The following RIMBP2 variants were observed in gnomAD, a reference collection of about 807,000 sequenced individuals.
RIMBP2 encodes RIMS binding protein 2, also known as RIMS-binding protein 2.
A neutral mutation model predicts 118.6 loss-of-function variants in RIMBP2; 48 were observed. The observed-to-expected ratio is 0.40, with a 90% CI of 0.32 to 0.51. The LOEUF is 0.51. RIMBP2 is among the 20% of genes least tolerant of loss of function. The pLI, the probability that RIMBP2 is intolerant of heterozygous loss-of-function variation, is 0.41. For missense variants in RIMBP2, 1,551 were observed against 1,768.3 expected, an observed-to-expected ratio of 0.88 and a Z score of 2.20; for synonymous variants, 762 against 742.9, an observed-to-expected ratio of 1.03 and a Z score of -0.42.
intron 1 of RIMBP2, among the ~76,000 whole-genome samples, chr12:130,645,094 T>C (rs1288553376): frequency 7.2e-5 from 7 of 97,500 alleles, no homozygotes; most frequent in African/African-American, 1.6e-4. Context: ...AAATCAGAAC[T>C]TTTTTTTTTT....
At chr12:130,425,756 G>A (rs1392131099) in intron 15 of RIMBP2, 2 of 152,418 alleles carry the variant, frequency 1.3e-5, no homozygotes, top group East Asian at 3.8e-4. Flanking sequence ...TGACCGCCCA[G>A]GCAAAGCGTG....
intron 6 of RIMBP2, among the ~76,000 whole-genome samples, chr12:130,459,603 C>T (rs1040917133): frequency 1.1e-4 from 16 of 152,146 alleles, no homozygotes; most frequent in African/African-American, 2.7e-4. Flanking sequence ...GGGCTAAGGG[C>T]GGCTGAGGTC....
chr12:130,659,348 G>C (rs2063557056), intron 1 of RIMBP2, among the ~76,000 whole-genome samples: 1 of 152,038 alleles, frequency 6.6e-6, no homozygotes, highest in Non-Finnish European at 1.5e-5. Context: ...AAGGCAGGTG[G>C]ATCACGAGGT....
At position 130,677,712 on chromosome 12, in the gene RIMBP2, C is replaced by G. The variant is rs144590087; in HGVS notation, c.-352+38510G>C. 2.0e-5 allele frequency among the ~76,000 whole-genome samples: 3 copies of G among 152,132 alleles called. No individual in the cohort carries two copies. The East Asian group carries it at 5.9e-4, about 30-fold the overall frequency. ...AAAACCAGTCTGGGGTGGGGTCAAG[C>G]CTTTGTCAACTGTCCATCAGGGCCC... On this transcript the variant is annotated intron_variant, in intron 1 of 22. Transcript: ENST00000690449.
intron 2 of RIMBP2, among the ~76,000 whole-genome samples, chr12:130,582,002 GCTC>G (rs995697178): frequency 6.6e-5 from 10 of 152,126 alleles, no homozygotes; most frequent in African/African-American, 2.4e-4. Context: ...TGCACCTGCT[GCTC>G]CCTCTGCCTG....
At chr12:130,459,675 G>A (rs1162933098) in intron 6 of RIMBP2, among the ~76,000 whole-genome samples, 3 of 152,252 alleles carry the variant, frequency 2.0e-5, no homozygotes, top group Middle Eastern at 3.4e-3. Flanking sequence ...CAGGCTGCGG[G>A]CTGCCTGCTT....
At chr12:130,486,284 A>C (rs1434746741) in intron 4 of RIMBP2, among the ~76,000 whole-genome samples, 3 of 151,848 alleles carry the variant, frequency 2.0e-5, no homozygotes. Context: ...CATGCCCTGG[A>C]CTCTGGCCCC....
At chr12:130,680,332 C>A (rs1228454624) in intron 1 of RIMBP2, among the ~76,000 whole-genome samples, 1 of 152,186 alleles carries the variant, frequency 6.6e-6, no homozygotes, top group East Asian at 1.9e-4. Flanking sequence ...GTTGAGAAAG[C>A]TCCTGTGTGC....
chr12:130,413,914 G>C (rs2075925408), intron 18 of RIMBP2, among the ~76,000 whole-genome samples: 1 of 152,206 alleles, frequency 6.6e-6, no homozygotes, highest in Non-Finnish European at 1.5e-5. Context: ...GTGTGTTTGT[G>C]TGCACACAAA....
chr12:130,608,987 T>C lies in RIMBP2; in HGVS notation c.-217+19335A>G, dbSNP rs1280715873. Among the ~76,000 whole-genome samples, 4 of 152,260 alleles carry C rather than the reference T, an allele frequency of 2.6e-5. No individual in the cohort carries two copies. In the East Asian group the frequency reaches 7.7e-4, roughly 29 times the overall value. ...CATTCCATTCTCTACTTCTACGAGA[T>C]CAACTTCTTAGCTGCCATGTATGAG... On this transcript the variant is annotated intron_variant, in intron 2 of 22. Coordinates refer to ENST00000690449, the MANE Select transcript of RIMBP2 (RefSeq NM_001393629.1).
At chr12:130,644,357 G>T (rs58862928) in intron 1 of RIMBP2, among the ~76,000 whole-genome samples, 1 of 152,156 alleles carries the variant, frequency 6.6e-6, no homozygotes, top group Non-Finnish European at 1.5e-5. Flanking sequence ...GGGCAGACAC[G>T]TGTCACCTTG....
intron 2 of RIMBP2, among the ~76,000 whole-genome samples, chr12:130,584,991 A>T (rs1206802426): frequency 6.6e-6 from 1 of 152,184 alleles, no homozygotes; most frequent in African/African-American, 2.4e-5. Context: ...CTTGGGCTCA[A>T]GCAATGCTCC....
chr12:130,704,867 C>G (rs1263034760), intron 1 of RIMBP2, among the ~76,000 whole-genome samples: 1 of 152,200 alleles, frequency 6.6e-6, no homozygotes, highest in Non-Finnish European at 1.5e-5. Flanking sequence ...CTTGGGCTAG[C>G]TGCTTCACCT....
chr12:130,650,429 T>C (rs566888256), intron 1 of RIMBP2, among the ~76,000 whole-genome samples: 33 of 152,374 alleles, frequency 2.2e-4, no homozygotes, highest in African/African-American at 7.9e-4. Context: ...GCTACCACTT[T>C]GCTAAATGCA....
At chr12:130,572,955 C>T (rs1337041124) in intron 2 of RIMBP2, among the ~76,000 whole-genome samples, 1 of 152,030 alleles carries the variant, frequency 6.6e-6, no homozygotes, top group Non-Finnish European at 1.5e-5. Context: ...GCATCCTTCC[C>T]CCCGGGGGGA....
rs1426283807 is a variant in RIMBP2, at chr12:130,688,251, G to C, written c.-352+27971C>G. 6.6e-6 allele frequency among the ~76,000 whole-genome samples: 1 copy of C among 152,144 alleles called. No individual in the cohort carries two copies. Among genetic ancestry groups the C allele is most frequent in the South Asian group, 2.1e-4 (1 of 4,826 alleles). On this transcript the variant is annotated intron_variant, in intron 1 of 22. Coordinates refer to ENST00000690449, the MANE Select transcript of RIMBP2 (RefSeq NM_001393629.1). This position sits in a 1 kb window ranked among gnomAD's most constrained non-coding sequence, Gnocchi z 4.7. ...TGGTGGCATGGGCAACACGTGCCCA[G>C]CTCTGCACCATGGGCACCCGGCAGA...
At chr12:130,456,403 T>G in intron 7 of RIMBP2, 93 bp downstream of exon 7, 1 of 1,116,726 alleles carries the variant, frequency 9.0e-7, no homozygotes, top group Non-Finnish European at 1.3e-6. Context: ...CTGCCAGGTG[T>G]CACCAAACCG....
intron 1 of RIMBP2, among the ~76,000 whole-genome samples, chr12:130,669,987 A>T (rs1205961054): frequency 6.6e-6 from 1 of 152,118 alleles, no homozygotes; most frequent in Non-Finnish European, 1.5e-5. Context: ...AGATATAATT[A>T]AATTAGGGAT....
Position 130,481,052 on chromosome 12 carries a change from G to A in RIMBP2, c.-3-2036C>T, listed in dbSNP as rs557377896. Among the ~76,000 whole-genome samples the A allele has an allele frequency of 1.2e-4, 17 of 146,728 alleles. No homozygotes were observed. The East Asian group carries it at 3.5e-3, about 30-fold the overall frequency. On this transcript the variant is annotated intron_variant, in intron 4 of 22. Transcript: ENST00000690449. ...TGAGCTGGAAAGAGGAGCCTGGCAG[G>A]GGGGAGGCGAGGGAGTCCCTGCTGA...
Sources: allele counts gnomAD v4.1 joint callset (sites outside exome capture counted in the v4.1 genomes callset), GRCh38; gene constraint gnomAD v4.1.1; non-coding constraint Gnocchi (gnomAD v3.1); transcripts MANE v1.5; gene names NCBI Gene and HGNC (gene_info 2026-07-23, HGNC 2026-07-21).